Variants in ADGRB3 observed in about 807,000 individuals in gnomAD.
The protein encoded by ADGRB3 is brain-specific angiogenesis inhibitor 3.
In ADGRB3, 37 loss-of-function variants were observed where a neutral mutation model predicts 193.4. The ratio of observed to expected loss-of-function variants is 0.19; its 90% CI spans 0.15 to 0.25. The LOEUF is 0.25. Ranked by LOEUF, ADGRB3 falls within the 10% of genes least tolerant of loss-of-function variation. The probability of loss-of-function intolerance (pLI) is 1.00; values close to 1 mark genes in which losing one functional copy is unlikely to be tolerated. For synonymous variants in ADGRB3, 690 were observed against 644.2 expected (o/e 1.07, Z -1.08); for missense variants, 1,637 against 1,852.9 (o/e 0.88, Z 2.14).
chr6:68,740,018 T>C (rs1348538886), intron 3 of ADGRB3, among the ~76,000 whole-genome samples: 1 of 152,176 alleles, frequency 6.6e-6, no homozygotes, highest in Non-Finnish European at 1.5e-5. Context: ...TTAATAATAA[T>C]AATGCCAATT....
intron 3 of ADGRB3, among the ~76,000 whole-genome samples, chr6:68,718,280 T>G (rs950638323): frequency 3.3e-5 from 5 of 151,678 alleles, no homozygotes; most frequent in African/African-American, 1.2e-4. Flanking sequence ...CTACGACAGA[T>G]CTACTGAATT....
chr6:68,873,109 T>C (rs1582272701), intron 3 of ADGRB3, among the ~76,000 whole-genome samples: 1 of 152,148 alleles, frequency 6.6e-6, no homozygotes, highest in South Asian at 2.1e-4. Context: ...GTGATGGTTT[T>C]AGGAAAACAG....
chr6:68,884,150 C>A (rs962021220), intron 3 of ADGRB3, among the ~76,000 whole-genome samples: 8 of 152,058 alleles, frequency 5.3e-5, no homozygotes, highest in Admixed American at 3.9e-4. Flanking sequence ...TTTTTTAAAT[C>A]GACTTACTTT....
intron 3 of ADGRB3, among the ~76,000 whole-genome samples, chr6:68,774,370 ATT>A (rs77553495): frequency 2.4e-3 from 313 of 130,322 alleles, no homozygotes; most frequent in Middle Eastern, 0.013. Flanking sequence ...CACTATGCCT[ATT>A]TTTTTTTTTT....
chr6:68,838,538 A>G (rs867298288), intron 3 of ADGRB3, among the ~76,000 whole-genome samples: 5 of 152,192 alleles, frequency 3.3e-5, no homozygotes, highest in African/African-American at 1.2e-4. Context: ...TTCAGATTAG[A>G]TGTCATGACA....
chr6:68,929,416 G>A (rs180831414), intron 3 of ADGRB3, among the ~76,000 whole-genome samples: 1 of 152,250 alleles, frequency 6.6e-6, no homozygotes, highest in Admixed American at 6.5e-5. Context: ...AGATGAAAAT[G>A]TGTGCTAGTC....
chr6:68,679,279 G>C (rs1237788736), intron 3 of ADGRB3, among the ~76,000 whole-genome samples: 2 of 152,144 alleles, frequency 1.3e-5, no homozygotes, highest in Admixed American at 6.6e-5. Context: ...TTCAGTGAAC[G>C]TGCTCCTGCT....
At chr6:68,692,471 A>AT (rs1272611994) in intron 3 of ADGRB3, among the ~76,000 whole-genome samples, 2 of 151,778 alleles carry the variant, frequency 1.3e-5, no homozygotes, top group Admixed American at 6.6e-5. Flanking sequence ...CCTTTTTATA[A>AT]TTTTTTCCCT....
intron 3 of ADGRB3, among the ~76,000 whole-genome samples, chr6:68,902,289 G>A (rs1179549775): frequency 1.3e-5 from 2 of 151,988 alleles, no homozygotes; most frequent in African/African-American, 4.8e-5. Flanking sequence ...CAATAGAGAC[G>A]TTCTCTGAAA....
At chr6:69,189,850 C>T (rs1561947064) in intron 17 of ADGRB3, among the ~76,000 whole-genome samples, 1 of 152,080 alleles carries the variant, frequency 6.6e-6, no homozygotes. Context: ...TACCATTATG[C>T]CCAGCATAAC....
At chr6:68,961,355 T>C (rs916879853) in intron 8 of ADGRB3, among the ~76,000 whole-genome samples, 10 of 152,160 alleles carry the variant, frequency 6.6e-5, no homozygotes, top group African/African-American at 2.2e-4. Flanking sequence ...AGTCCTGATG[T>C]TGTCAGCCCC....
At chr6:68,687,419 A>T (rs2127300510) in intron 3 of ADGRB3, among the ~76,000 whole-genome samples, 1 of 152,290 alleles carries the variant, frequency 6.6e-6, no homozygotes, top group Non-Finnish European at 1.5e-5. Flanking sequence ...AGCTTATAAT[A>T]ATTTATTATA....
chr6:68,923,190 G>C (rs532304012), intron 3 of ADGRB3, among the ~76,000 whole-genome samples: 2 of 151,984 alleles, frequency 1.3e-5, no homozygotes, highest in African/African-American at 2.4e-5. Flanking sequence ...AAATATAGTG[G>C]TAGATAAATG....
chr6:69,208,478 A>G (rs1765584957), intron 17 of ADGRB3, among the ~76,000 whole-genome samples: 1 of 152,180 alleles, frequency 6.6e-6, no homozygotes, highest in Non-Finnish European at 1.5e-5. Context: ...TGCAAAGTAT[A>G]TAACCAGGTG....
chr6:68,940,568 T>TTTTTTC, intron 5 of ADGRB3, among the ~76,000 whole-genome samples: 1 of 10,572 alleles, frequency 9.5e-5, no homozygotes, highest in African/African-American at 4.0e-4. Context: ...TTTTTTTTTT[T>TTTTTTC]GCTAAATGTA....
intron 3 of ADGRB3, among the ~76,000 whole-genome samples, chr6:68,927,877 C>A (rs578245393): frequency 6.6e-6 from 1 of 151,914 alleles, no homozygotes. Flanking sequence ...TGTTGTACAA[C>A]AATAATCAAC....
intron 3 of ADGRB3, among the ~76,000 whole-genome samples, chr6:68,827,396 T>A (rs1277631292): frequency 6.6e-6 from 1 of 151,514 alleles, no homozygotes; most frequent in Admixed American, 6.6e-5. Flanking sequence ...TAATAATAAA[T>A]GAGCAATGGG....
chr6:68,920,435 G>A (rs1287855307), intron 3 of ADGRB3, among the ~76,000 whole-genome samples: 1 of 147,692 alleles, frequency 6.8e-6, no homozygotes, highest in Non-Finnish European at 1.5e-5. Flanking sequence ...GGAGAATGAC[G>A]TGAACCCGGG....
chr6:68,916,977 A>G (rs1481575986), intron 3 of ADGRB3, among the ~76,000 whole-genome samples: 2 of 152,188 alleles, frequency 1.3e-5, no homozygotes, highest in Non-Finnish European at 2.9e-5. Flanking sequence ...TGCTATGTGG[A>G]GAATTCTCAG....
Sources: allele counts gnomAD v4.1 joint callset (sites outside exome capture counted in the v4.1 genomes callset), GRCh38; gene constraint gnomAD v4.1.1; transcripts MANE v1.5; gene names NCBI Gene and HGNC (gene_info 2026-07-23, HGNC 2026-07-21).